Variants in WDR7 observed in about 807,000 individuals in gnomAD.
WDR7 encodes the protein WD repeat domain 7, also known as WD repeat-containing protein 7.
Under a neutral mutation model 169.4 loss-of-function variants are expected in WDR7, and 46 were observed. The observed-to-expected ratio is 0.27, with a 90% confidence interval of 0.21 to 0.35. WDR7 has a LOEUF of 0.35. Among genes scored for constraint, WDR7 ranks in the 10% least tolerant of loss-of-function variants. The pLI, the probability that WDR7 is intolerant of heterozygous loss-of-function variation, is 1.00. For missense variants in WDR7, 1,534 were observed against 1,859.3 expected (o/e 0.83, Z 3.22); for synonymous variants, 612 against 666.8 (o/e 0.92, Z 1.27).
intron 19 of WDR7, among the ~76,000 whole-genome samples, chr18:56,815,578 G>A (rs1192808278): frequency 5.9e-5 from 9 of 152,074 alleles, no homozygotes; most frequent in Non-Finnish European, 1.2e-4. Context: ...TTTCAGGTCC[G>A]TTACTTAGCC....
At chr18:56,771,162 A>G (rs532046830) in intron 16 of WDR7, among the ~76,000 whole-genome samples, 1 of 152,314 alleles carries the variant, frequency 6.6e-6, no homozygotes, top group African/African-American at 2.4e-5. Context: ...CAAAACTTTA[A>G]CATTGTGTAA....
intron 19 of WDR7, among the ~76,000 whole-genome samples, chr18:56,814,725 C>CTA (rs957627183): frequency 6.6e-6 from 1 of 151,910 alleles, no homozygotes; most frequent in African/African-American, 2.4e-5. Flanking sequence ...AATTTGTACA[C>CTA]TAAACCCCCA....
intron 26 of WDR7, among the ~76,000 whole-genome samples, chr18:56,994,548 G>A (rs775178218): frequency 9.9e-5 from 15 of 151,842 alleles, no homozygotes; most frequent in Non-Finnish European, 1.9e-4. Flanking sequence ...TTTTCTTTTT[G>A]TGTGTTTTCT....
At chr18:56,971,266 C>T (rs1366410041) in intron 26 of WDR7, among the ~76,000 whole-genome samples, 11 of 144,508 alleles carry the variant, frequency 7.6e-5, no homozygotes, top group East Asian at 4.0e-4. Flanking sequence ...GCGACAAGAG[C>T]GAAATTCTGT....
chr18:56,988,590 AGTGTGTGTGT>A (rs71171009), intron 26 of WDR7, among the ~76,000 whole-genome samples: 6,868 of 142,644 alleles, frequency 0.048, 225 homozygotes, highest in Middle Eastern at 0.12. Context: ...ATGGAAGGCA[AGTGTGTGTGT>A]GTGTGTGTGT....
At chr18:56,738,771 T>C (rs2026757556) in intron 14 of WDR7, among the ~76,000 whole-genome samples, 1 of 149,728 alleles carries the variant, frequency 6.7e-6, no homozygotes, top group Non-Finnish European at 1.5e-5. Context: ...CTCTGAAATG[T>C]CCAGATCATT....
At chr18:56,985,300 A>G (rs958524834) in intron 26 of WDR7, among the ~76,000 whole-genome samples, 15 of 152,244 alleles carry the variant, frequency 9.9e-5, no homozygotes, top group South Asian at 2.1e-4. Context: ...TATAAATATT[A>G]TACTTTTAAA....
intron 21 of WDR7, among the ~76,000 whole-genome samples, chr18:56,895,302 C>T (rs146449660): frequency 0.015 from 2,265 of 151,808 alleles, 21 homozygotes; most frequent in Non-Finnish European, 0.023. Context: ...TTTTGAAAGA[C>T]CCTTCTAACT....
Position 56,879,937 on chromosome 18 carries a change from T to A in WDR7, c.3305-7T>A. 1 of 1,606,298 alleles carries A rather than the reference T, an allele frequency of 6.2e-7. No homozygotes were observed. Reference sequence around the variant, plus strand: ...TCTAAGTTGAGATTCTATGTTTTGGTCTTCAGGTTGCTTATCAAGTGTCCC... The same window carrying A: ...TCTAAGTTGAGATTCTATGTTTTGGACTTCAGGTTGCTTATCAAGTGTCCC... On this transcript the variant is annotated splice_region_variant and splice_polypyrimidine_tract_variant and intron_variant, in intron 20 of 27. Coordinates refer to ENST00000254442, the MANE Select transcript of WDR7 (RefSeq NM_015285.3).
intron 19 of WDR7, among the ~76,000 whole-genome samples, chr18:56,788,076 G>A (rs2044429616): frequency 6.6e-6 from 1 of 152,064 alleles, no homozygotes; most frequent in Admixed American, 6.5e-5. Context: ...TTAAGGAATG[G>A]TTTTCTAGAT....
chr18:56,663,045 G>A (rs1464619623), intron 1 of WDR7, among the ~76,000 whole-genome samples: 2 of 152,216 alleles, frequency 1.3e-5, no homozygotes, highest in Admixed American at 1.3e-4. Context: ...CTCTCTTCCT[G>A]GCTTGCAGAT....
At chr18:56,770,852 G>A (rs146483899) in intron 16 of WDR7, among the ~76,000 whole-genome samples, 1 of 151,406 alleles carries the variant, frequency 6.6e-6, no homozygotes, top group African/African-American at 2.4e-5. Flanking sequence ...GCTTCTAAAC[G>A]TGTTCAGTTG....
At chr18:57,012,249 G>A (rs1012737588) in intron 26 of WDR7, among the ~76,000 whole-genome samples, 3 of 152,140 alleles carry the variant, frequency 2.0e-5, no homozygotes, top group Admixed American at 6.5e-5. Context: ...CACCCCACAC[G>A]AAGGCAGGAC....
At chr18:56,675,698 A>AT (rs568065251) in intron 2 of WDR7, among the ~76,000 whole-genome samples, 85 of 151,552 alleles carry the variant, frequency 5.6e-4, no homozygotes, top group Non-Finnish European at 1.0e-3. Context: ...CTTTTATTTC[A>AT]TTTTTTTGCC....
In WDR7 at chr18:56,756,584, G is replaced by A. The variant is rs2043893526; in HGVS notation, c.1991G>A (p.Gly664Glu). The A allele has an allele frequency of 6.4e-7, 1 of 1,566,350 alleles. No individual in the cohort carries two copies. The highest frequency in any genetic ancestry group is 1.7e-4 in the Middle Eastern group (1 of 5,832). ...NLLASEASDKGNLPKYSHNSL... is the reference protein window; with the variant it reads ...NLLASEASDKENLPKYSHNSL... ...ATCTTTTAAAAATATTTATTACAGG[G>A]AAATTTACCTAAATATTCTCATAAC... The change falls in exon 15 of 28, where the codon GGA becomes GAA. Residue 664 changes from glycine (G) to glutamate (E), a missense_variant and splice_region_variant. Gly to Glu is a moderately conservative substitution (Grantham distance 98). Transcript: ENST00000254442.
intron 20 of WDR7, among the ~76,000 whole-genome samples, chr18:56,835,222 G>T (rs2045377792): frequency 6.6e-6 from 1 of 152,102 alleles, no homozygotes; most frequent in Non-Finnish European, 1.5e-5. Context: ...CAAAAAATGT[G>T]CCTCCCTTGT....
intron 16 of WDR7, among the ~76,000 whole-genome samples, chr18:56,770,411 T>C (rs1181183610): frequency 6.6e-6 from 1 of 152,222 alleles, no homozygotes; most frequent in Non-Finnish European, 1.5e-5. Flanking sequence ...GTTTATGTTA[T>C]ACATTTATCT....
intron 26 of WDR7, among the ~76,000 whole-genome samples, chr18:56,979,432 C>A (rs1371112006): frequency 6.6e-6 from 1 of 152,176 alleles, no homozygotes; most frequent in African/African-American, 2.4e-5. Flanking sequence ...AACCAGTGCC[C>A]TTTTTGATGT....
chr18:56,791,557 T>C (rs2145117393), intron 19 of WDR7, among the ~76,000 whole-genome samples: 1 of 152,318 alleles, frequency 6.6e-6, no homozygotes, highest in Middle Eastern at 3.4e-3. Flanking sequence ...AGCAAATAAA[T>C]ACCAGTCAGA....
Sources: allele counts gnomAD v4.1 joint callset (sites outside exome capture counted in the v4.1 genomes callset), GRCh38; gene constraint gnomAD v4.1.1; transcripts MANE v1.5; gene names NCBI Gene and HGNC (gene_info 2026-07-23, HGNC 2026-07-21).